KIAA0232: variants seen among roughly 807,000 people sequenced by gnomAD.
KIAA0232 encodes KIAA0232.
A neutral mutation model predicts 122.0 loss-of-function variants in KIAA0232; 27 were observed. The ratio of observed to expected loss-of-function variants is 0.22; its 90% CI spans 0.16 to 0.31. The LOEUF is 0.31. Ranked by LOEUF, KIAA0232 falls within the 10% of genes least tolerant of loss-of-function variation. The pLI is 1.00. For missense variants in KIAA0232, 1,551 were observed against 1,634.2 expected (o/e 0.95, Z 0.88); for synonymous variants, 613 against 587.6 (o/e 1.04, Z -0.63).
intron 1 of KIAA0232, among the ~76,000 whole-genome samples, chr4:6,790,458 G>A (rs991365034): frequency 2.1e-5 from 3 of 143,904 alleles, no homozygotes; most frequent in Non-Finnish European, 4.5e-5. Flanking sequence ...GCGGTGGCAC[G>A]ATCACAGCTC....
intron 4 of KIAA0232, among the ~76,000 whole-genome samples, chr4:6,852,431 A>G (rs57585517): frequency 9.7e-4 from 148 of 152,312 alleles, no homozygotes; most frequent in African/African-American, 3.1e-3. Flanking sequence ...TCATTAAAGT[A>G]TGGAATTGAT....
intron 9 of KIAA0232, 80 bp downstream of exon 9, chr4:6,876,837 G>C (rs1721782572): frequency 1.1e-6 from 1 of 940,944 alleles, no homozygotes. Context: ...AAAAACCTGG[G>C]AGTCATGTGA....
intron 4 of KIAA0232, among the ~76,000 whole-genome samples, chr4:6,852,067 G>C (rs1720314503): frequency 6.6e-6 from 1 of 151,780 alleles, no homozygotes; most frequent in African/African-American, 2.4e-5. Context: ...ATTCTAAAGA[G>C]TATATAATCT....
chr4:6,878,592 G>A (rs1213804513), intron 9 of KIAA0232, among the ~76,000 whole-genome samples: 1 of 152,162 alleles, frequency 6.6e-6, no homozygotes, highest in East Asian at 1.9e-4. Flanking sequence ...TGGTATTGAT[G>A]ACTACCTTCT....
At chr4:6,817,785 T>G (rs1203087443) in intron 2 of KIAA0232, among the ~76,000 whole-genome samples, 1 of 152,204 alleles carries the variant, frequency 6.6e-6, no homozygotes. Flanking sequence ...TCTAGTGTAA[T>G]TGTGGACTTG....
Position 6,862,543 on chromosome 4 carries a change from C to T in KIAA0232, c.2161C>T (p.Arg721Cys). Residue 721 changes from arginine to cysteine, a missense_variant, in exon 7 of 10, where the codon CGT (arginine) becomes TGT (cysteine). By Grantham distance (180) the Arg-to-Cys change is radical. This residue lies in a region of KIAA0232 where 1,108 missense variants were observed against 1,154.8 expected (regional missense o/e 0.96). Transcript: ENST00000307659. ...CSPWSHSEET[R>C]SDNETLNIQF... The stretch of plus-strand genomic sequence containing the variant: ...TCCATGGTCCCATTCAGAAGAAACA[C>T]GTTCAGACAATGAAACATTAAATAT... 7 of 1,613,340 alleles carry T rather than the reference C, an allele frequency of 4.3e-6. No individual in the cohort carries two copies. Among genetic ancestry groups the T allele is most frequent in the African/African-American group, 4.0e-5 (3 of 74,998 alleles).
intron 4 of KIAA0232, 40 bp from the exon 5 acceptor site, chr4:6,857,124 A>G (rs1720609140): frequency 6.6e-7 from 1 of 1,503,948 alleles, no homozygotes. Context: ...ATTTGTACAT[A>G]CCTGGCTGTA....
chr4:6,824,505 T>C lies in KIAA0232; in HGVS notation c.52T>C (p.Ser18Pro), dbSNP rs1718576134. The change falls in exon 3 of 10, where the codon TCA becomes CCA. Residue 18 changes from serine (S) to proline (P), a missense_variant. Physicochemically the swap from Ser to Pro is moderately conservative, Grantham distance 74. Transcript: ENST00000307659. ...GGATGGTTTGCCATCTGAAAGCTCCTCAAGTTCTTATCCAGGCCCTGTGTC... is the reference window on the plus strand; with the variant it reads ...GGATGGTTTGCCATCTGAAAGCTCCCCAAGTTCTTATCCAGGCCCTGTGTC... ...VVDGLPSESS[S>P]SSYPGPVSVS... The C allele has an allele frequency of 6.2e-7, 1 of 1,614,116 alleles. No individual in the cohort carries two copies. Among genetic ancestry groups the C allele is most frequent in the African/African-American group, 1.3e-5 (1 of 74,946 alleles).
intron 3 of KIAA0232, among the ~76,000 whole-genome samples, chr4:6,829,098 C>G (rs892821946): frequency 6.6e-6 from 1 of 152,044 alleles, no homozygotes; most frequent in African/African-American, 2.4e-5. Context: ...GACATGGACA[C>G]TTTTGGAGAG....
At chr4:6,865,986 G>A (rs1236543426) in intron 7 of KIAA0232, among the ~76,000 whole-genome samples, 2 of 152,116 alleles carry the variant, frequency 1.3e-5, no homozygotes, top group African/African-American at 4.8e-5. Context: ...GGGACTGCTT[G>A]CCTGTGATTC....
chr4:6,820,977 G>A (rs1718395763), intron 2 of KIAA0232, among the ~76,000 whole-genome samples: 1 of 152,118 alleles, frequency 6.6e-6, no homozygotes, highest in South Asian at 2.1e-4. Context: ...CAGAAATGGG[G>A]CTGAACTTAT....
At chr4:6,822,605 A>G (rs1035996419) in intron 2 of KIAA0232, among the ~76,000 whole-genome samples, 6 of 152,178 alleles carry the variant, frequency 3.9e-5, no homozygotes, top group African/African-American at 9.6e-5. Context: ...TAAATTAACC[A>G]GAACTCTAAT....
Position 6,842,098 on chromosome 4 carries a change from G to T in KIAA0232, c.263G>T (p.Gly88Val), listed in dbSNP as rs1312169141. ...GACATCTTCCTGGGCTGGGAAAAAGGAGCTTATAAGAAATGGGGAAAGAGT... is the reference window on the plus strand; with the variant it reads ...GACATCTTCCTGGGCTGGGAAAAAGTAGCTTATAAGAAATGGGGAAAGAGT... ...ENDIFLGWEK[G>V]AYKKWGKSKK... Residue 88 changes from glycine to valine, a missense_variant, in exon 4 of 10, where the codon GGA becomes GTA. By Grantham distance (109) the Gly-to-Val change is moderately radical. This residue lies in a region of KIAA0232 where 377 missense variants were observed against 381.7 expected (regional missense o/e 0.99). Coordinates refer to ENST00000307659, the MANE Select transcript of KIAA0232 (RefSeq NM_014743.3). 6.2e-7 allele frequency: 1 copy of T among 1,613,592 alleles called. No homozygotes were observed.
chr4:6,831,697 T>C (rs1165677194), intron 3 of KIAA0232, among the ~76,000 whole-genome samples: 7 of 152,224 alleles, frequency 4.6e-5, no homozygotes, highest in Admixed American at 4.6e-4. Flanking sequence ...GCCCCCCTCG[T>C]GTCCCACACA....
rs74937263 is a variant in KIAA0232, at chr4:6,851,722, T to TAAAA, written c.370-5425_370-5422dup. Among the ~76,000 whole-genome samples, 46 of 97,226 alleles carry TAAAA rather than the reference T, an allele frequency of 4.7e-4. 3 individuals are homozygous for TAAAA. The highest frequency in any genetic ancestry group is 7.0e-4 in the South Asian group (2 of 2,842). 63.8% of individuals were successfully genotyped at this position (97,226 alleles called of 152,430 possible). ...CAGAGCAAGATCCTATCTCAAAAATTAAAAAAAAAAAAAAAAAAAAGCGGG... is the reference window on the plus strand; with the variant it reads ...CAGAGCAAGATCCTATCTCAAAAATTAAAAAAAAAAAAAAAAAAAAAAAAGCGGG... On this transcript the variant is annotated intron_variant, in intron 4 of 9. Transcript: ENST00000307659.
Position 6,792,702 on chromosome 4 carries a change from T to G in KIAA0232, c.-354+9861T>G, listed in dbSNP as rs560368743. On this transcript the variant is annotated intron_variant, in intron 1 of 9. Transcript: ENST00000307659. The stretch of plus-strand genomic sequence containing the variant: ...TTAGGTTTTTTTTTTTTTGTTTTTT[T>G]TTTTTGAGACAGAGTCTCACTCTGT... 3.6e-3 allele frequency among the ~76,000 whole-genome samples: 534 copies of G among 150,200 alleles called. 2 individuals carry two copies. The highest frequency in any genetic ancestry group is 0.011 in the East Asian group (57 of 5,152).
intron 2 of KIAA0232, among the ~76,000 whole-genome samples, chr4:6,807,492 CT>C (rs906113200): frequency 4.6e-5 from 7 of 152,218 alleles, no homozygotes; most frequent in Admixed American, 3.3e-4. Context: ...GATTACATTA[CT>C]TTTTAAAAAG....
At chr4:6,810,600 G>C (rs1229385315) in intron 2 of KIAA0232, among the ~76,000 whole-genome samples, 1 of 152,144 alleles carries the variant, frequency 6.6e-6, no homozygotes, top group Non-Finnish European at 1.5e-5. Context: ...AAACCAAAAA[G>C]CTTCAGCAGA....
At chr4:6,847,888 T>C in intron 4 of KIAA0232, among the ~76,000 whole-genome samples, 1 of 152,182 alleles carries the variant, frequency 6.6e-6, no homozygotes, top group East Asian at 1.9e-4. Flanking sequence ...TTATATTTGT[T>C]TTATTTTTAT....
Sources: gnomAD v4.1 joint callset for allele counts (sites outside exome capture counted in the v4.1 genomes callset) on GRCh38, gnomAD v4.1.1 for gene constraint, gnomAD v4.1.1 regional missense constraint, MANE v1.5 for transcripts, NCBI Gene and HGNC (gene_info 2026-07-23, HGNC 2026-07-21) for gene names.